The following RBFOX1 variants were observed in gnomAD, a reference collection of about 807,000 sequenced individuals.
The protein encoded by RBFOX1 is RNA binding protein fox-1 homolog 1.
Under a neutral mutation model 57.7 loss-of-function variants are expected in RBFOX1, and 8 were observed. The observed-to-expected ratio is 0.14, with a 90% CI of 0.08 to 0.25. The LOEUF is 0.25. RBFOX1 is among the 10% of genes least tolerant of loss of function. The pLI is 1.00. For synonymous variants in RBFOX1, 326 were observed against 222.4 expected (o/e 1.47, Z -4.15); for missense variants, 611 against 548.5 (o/e 1.11, Z -1.14).
At chr16:5,570,732 C>T (rs767680394) in intron 2 of RBFOX1, among the ~76,000 whole-genome samples, 16 of 151,190 alleles carry the variant, frequency 1.1e-4, no homozygotes, top group South Asian at 2.1e-4. Context: ...CCCAGTTACT[C>T]GGGAGGCTGA....
At position 6,019,909 on chromosome 16, in the gene RBFOX1, T is replaced by C; in HGVS notation, c.-210T>C. On this transcript the variant is annotated 5_prime_UTR_variant, in exon 1 of 16. Transcript: ENST00000550418. The surrounding 1 kb of genome is among the most constrained non-coding windows in gnomAD (Gnocchi z 4.2). The stretch of plus-strand genomic sequence containing the variant: ...CGCCGCCTCCAGCTTATGGTGAGTG[T>C]GGCTGGGGGTGCAGAGAGCGCACGG... The C allele has an allele frequency of 6.5e-7, 1 of 1,534,876 alleles. No homozygotes were observed. The highest frequency in any genetic ancestry group is 8.7e-7 in the Non-Finnish European group (1 of 1,146,478).
At chr16:5,974,067 G>A (rs1359414808) in intron 4 of RBFOX1, among the ~76,000 whole-genome samples, 7 of 152,162 alleles carry the variant, frequency 4.6e-5, no homozygotes, top group African/African-American at 4.8e-5. Context: ...GGATTATAAT[G>A]CATATGAAAT....
At chr16:7,319,675 C>T (rs1284472443) in intron 4 of RBFOX1, among the ~76,000 whole-genome samples, 25 of 152,120 alleles carry the variant, frequency 1.6e-4, no homozygotes, top group Admixed American at 1.6e-3. Context: ...GTGCCAGCTC[C>T]TTAGTAGATT....
intron 3 of RBFOX1, among the ~76,000 whole-genome samples, chr16:6,936,477 T>A (rs2077379151): frequency 6.6e-6 from 1 of 152,132 alleles, no homozygotes; most frequent in Non-Finnish European, 1.5e-5. Context: ...TCTTCCTTCA[T>A]CCAACATTGA....
intron 4 of RBFOX1, among the ~76,000 whole-genome samples, chr16:7,269,724 T>C (rs1223055821): frequency 2.0e-5 from 3 of 152,256 alleles, no homozygotes; most frequent in African/African-American, 7.2e-5. Flanking sequence ...AATTTTCTTA[T>C]ACTCAAGTCT....
intron 3 of RBFOX1, among the ~76,000 whole-genome samples, chr16:6,836,735 A>G (rs748151603): frequency 2.6e-5 from 4 of 152,110 alleles, no homozygotes; most frequent in Non-Finnish European, 5.9e-5. Context: ...AGTTCTTTGC[A>G]TTTATTTTCT....
At chr16:7,515,490 C>G (rs578213347) in intron 4 of RBFOX1, among the ~76,000 whole-genome samples, 2 of 152,040 alleles carry the variant, frequency 1.3e-5, no homozygotes, top group Non-Finnish European at 2.9e-5. Context: ...CACACACACA[C>G]ACACACACAC....
chr16:5,827,820 C>G (rs113210394), intron 3 of RBFOX1, among the ~76,000 whole-genome samples: 8 of 152,086 alleles, frequency 5.3e-5, no homozygotes, highest in Admixed American at 2.0e-4. Context: ...CATCCACTCA[C>G]CCATCCACCT....
At chr16:5,830,921 C>T (rs889162099) in intron 3 of RBFOX1, among the ~76,000 whole-genome samples, 18 of 152,184 alleles carry the variant, frequency 1.2e-4, no homozygotes, top group African/African-American at 4.1e-4. Flanking sequence ...GATGCCCTCT[C>T]CTTGGCCAAA....
chr16:6,884,253 A>G (rs559318545), intron 3 of RBFOX1, among the ~76,000 whole-genome samples: 32 of 152,234 alleles, frequency 2.1e-4, no homozygotes, highest in Non-Finnish European at 3.5e-4. Context: ...GAGCGTGGCA[A>G]TAAGTATGTG....
rs142342895 is a variant in RBFOX1, at chr16:7,438,180, G to C, written c.28-79967G>C. 4.0e-3 allele frequency among the ~76,000 whole-genome samples: 609 copies of C among 152,268 alleles called. 1 individual carries two copies. The highest frequency in any genetic ancestry group is 0.014 in the Middle Eastern group (4 of 294). ...AGATTATATAAGAAAAATCAGAATGGTTAATGTTAATTTACTAACCAGGGT... is the reference window on the plus strand; with the variant it reads ...AGATTATATAAGAAAAATCAGAATGCTTAATGTTAATTTACTAACCAGGGT... On this transcript the variant is annotated intron_variant, in intron 4 of 15. Transcript: ENST00000550418.
intron 3 of RBFOX1, among the ~76,000 whole-genome samples, chr16:6,958,617 G>A (rs2082333581): frequency 6.6e-6 from 1 of 152,210 alleles, no homozygotes; most frequent in African/African-American, 2.4e-5. Context: ...CACGCTCAGA[G>A]TAGGGATGTG....
chr16:7,423,109 GA>G (rs1174018855), intron 4 of RBFOX1: 3 of 150,684 alleles, frequency 2.0e-5, no homozygotes, highest in Non-Finnish European at 2.9e-5. Flanking sequence ...GAGAGAGAGA[GA>G]GAGAGAGAGA....
intron 4 of RBFOX1, among the ~76,000 whole-genome samples, chr16:7,236,165 A>G (rs1374354168): frequency 1.3e-5 from 2 of 152,348 alleles, no homozygotes; most frequent in Non-Finnish European, 2.9e-5. Context: ...GCTACTGTTA[A>G]GCATTAATCT....
intron 2 of RBFOX1, among the ~76,000 whole-genome samples, chr16:6,592,921 G>A (rs532992569): frequency 1.4e-4 from 21 of 152,190 alleles, no homozygotes; most frequent in South Asian, 2.1e-4. Flanking sequence ...GGCTGGGCAC[G>A]GTGGCTCATG....
At chr16:6,045,720 C>T (rs2095488604) in intron 1 of RBFOX1, among the ~76,000 whole-genome samples, 1 of 152,104 alleles carries the variant, frequency 6.6e-6, no homozygotes, top group Admixed American at 6.6e-5. Flanking sequence ...GTGATATGTA[C>T]CATCAATGAA....
chr16:7,549,520 C>T (rs2085670395), intron 5 of RBFOX1, among the ~76,000 whole-genome samples: 1 of 152,092 alleles, frequency 6.6e-6, no homozygotes, highest in South Asian at 2.1e-4. Context: ...AGGTCGTCTG[C>T]AAGCTGAAGA....
At chr16:6,244,003 T>C (rs970357264) in intron 1 of RBFOX1, among the ~76,000 whole-genome samples, 1 of 152,168 alleles carries the variant, frequency 6.6e-6, no homozygotes, top group Non-Finnish European at 1.5e-5. Context: ...TTTAGTTGGA[T>C]TTTCTTGCAC....
intron 3 of RBFOX1, among the ~76,000 whole-genome samples, chr16:6,666,222 A>T (rs1368217148): frequency 1.3e-5 from 2 of 152,140 alleles, no homozygotes; most frequent in African/African-American, 4.8e-5. Flanking sequence ...AAAACAGACT[A>T]ATACAGGAGG....
Sources: gnomAD v4.1 joint callset for allele counts (sites outside exome capture counted in the v4.1 genomes callset) on GRCh38, gnomAD v4.1.1 for gene constraint, Gnocchi (gnomAD v3.1) non-coding constraint, MANE v1.5 for transcripts, NCBI Gene and HGNC (gene_info 2026-07-23, HGNC 2026-07-21) for gene names.